MEGF9: variants seen among roughly 807,000 people sequenced by gnomAD.
The protein encoded by MEGF9 is multiple EGF like domains 9, also known as multiple epidermal growth factor-like domains protein 9.
In MEGF9, 6 loss-of-function variants were observed where a neutral mutation model predicts 46.8. The ratio of observed to expected loss-of-function variants is 0.13; its 90% CI spans 0.07 to 0.25. The LOEUF (loss-of-function observed/expected upper bound fraction) is 0.25, where lower values mean the gene tolerates loss of function less well. Among genes scored for constraint, MEGF9 ranks in the 10% least tolerant of loss-of-function variants. The probability of loss-of-function intolerance (pLI) is 1.00; values close to 1 mark genes in which losing one functional copy is unlikely to be tolerated. For synonymous variants in MEGF9, 302 were observed against 330.7 expected, an observed-to-expected ratio of 0.91 and a Z score of 0.94; for missense variants, 683 against 792.4, an observed-to-expected ratio of 0.86 and a Z score of 1.66.
At chr9:120,637,159 A>C (rs2043580905) in intron 2 of MEGF9, among the ~76,000 whole-genome samples, 1 of 152,168 alleles carries the variant, frequency 6.6e-6, no homozygotes, top group African/African-American at 2.4e-5. Flanking sequence ...GTGCTGTGTC[A>C]ACTCAGGGTT....
intron 1 of MEGF9, among the ~76,000 whole-genome samples, chr9:120,707,768 C>T (rs376920398): frequency 1.3e-5 from 2 of 152,158 alleles, no homozygotes; most frequent in African/African-American, 4.8e-5. Flanking sequence ...CTTGGCTGGG[C>T]GTGGTGGCTC....
intron 2 of MEGF9, among the ~76,000 whole-genome samples, chr9:120,652,172 A>T (rs2043653571): frequency 1.5e-5 from 1 of 64,586 alleles, no homozygotes; most frequent in Non-Finnish European, 3.1e-5. Flanking sequence ...ACACACACAC[A>T]CACACACACA....
intron 2 of MEGF9, among the ~76,000 whole-genome samples, chr9:120,643,952 C>T (rs1471953435): frequency 3.9e-5 from 6 of 152,122 alleles, no homozygotes; most frequent in African/African-American, 1.4e-4. Context: ...TGGGCTCAAG[C>T]GATCCTCCTG....
chr9:120,666,469 T>C (rs2043725531), intron 1 of MEGF9, among the ~76,000 whole-genome samples: 1 of 152,212 alleles, frequency 6.6e-6, no homozygotes, highest in Non-Finnish European at 1.5e-5. Flanking sequence ...TCTATTTGAA[T>C]GGCTAAAATA....
chr9:120,615,285 G>A (rs2043466416), intron 3 of MEGF9, among the ~76,000 whole-genome samples: 1 of 137,696 alleles, frequency 7.3e-6, no homozygotes, highest in Non-Finnish European at 1.5e-5. Context: ...GCGTGTGTGT[G>A]TGCATGTGTG....
At chr9:120,712,388 A>C (rs780537737) in intron 1 of MEGF9, among the ~76,000 whole-genome samples, 2 of 152,240 alleles carry the variant, frequency 1.3e-5, no homozygotes, top group Non-Finnish European at 2.9e-5. Flanking sequence ...CTAAGCTTAC[A>C]CAGCTAACAA....
chr9:120,618,583 A>G (rs1450111378), intron 3 of MEGF9, among the ~76,000 whole-genome samples: 7 of 152,322 alleles, frequency 4.6e-5, no homozygotes, highest in African/African-American at 1.7e-4. Flanking sequence ...GGGGTAAAAA[A>G]TCATCCTAGG....
chr9:120,698,976 T>G (rs1458298109), intron 1 of MEGF9, among the ~76,000 whole-genome samples: 1 of 152,196 alleles, frequency 6.6e-6, no homozygotes, highest in Non-Finnish European at 1.5e-5. Flanking sequence ...TGTCTGGCTT[T>G]GTTCCAGGCT....
intron 1 of MEGF9, among the ~76,000 whole-genome samples, chr9:120,684,676 C>T (rs1034719653): frequency 6.6e-6 from 1 of 152,204 alleles, no homozygotes; most frequent in African/African-American, 2.4e-5. Context: ...AGAAATCCCT[C>T]TTCCAACACC....
At chr9:120,712,729 G>C (rs1471138930) in intron 1 of MEGF9, among the ~76,000 whole-genome samples, 1 of 152,170 alleles carries the variant, frequency 6.6e-6, no homozygotes, top group Non-Finnish European at 1.5e-5. Flanking sequence ...CTAAGCCTAA[G>C]ATTTAGGTCA....
chr9:120,642,167 C>T (rs1445734214), intron 2 of MEGF9, among the ~76,000 whole-genome samples: 4 of 152,202 alleles, frequency 2.6e-5, no homozygotes, highest in Non-Finnish European at 4.4e-5. Context: ...TTTTCCTTTC[C>T]AATGATTCTG....
intron 2 of MEGF9, among the ~76,000 whole-genome samples, chr9:120,646,113 T>A (rs771430564): frequency 5.3e-5 from 8 of 152,154 alleles, no homozygotes; most frequent in Non-Finnish European, 1.2e-4. Flanking sequence ...TCCACAGAAT[T>A]ATGCACAGAA....
At chr9:120,637,768 G>T (rs2043584565) in intron 2 of MEGF9, among the ~76,000 whole-genome samples, 1 of 106,480 alleles carries the variant, frequency 9.4e-6, no homozygotes, top group Admixed American at 1.6e-4. Flanking sequence ...TCCAGCCAGG[G>T]CAACAGGGCA....
At chr9:120,660,752 AC>A (rs1283711337) in intron 1 of MEGF9, among the ~76,000 whole-genome samples, 1 of 152,252 alleles carries the variant, frequency 6.6e-6, no homozygotes, top group Non-Finnish European at 1.5e-5. Context: ...CACAGCAGTA[AC>A]AGAGGACTTT....
rs578060867 is a variant in MEGF9 at position 120,713,112 on chromosome 9, T to A, written c.601+646A>T. On this transcript the variant is annotated intron_variant, in intron 1 of 5. Coordinates refer to ENST00000373930, the MANE Select transcript of MEGF9 (RefSeq NM_001080497.3). ...TGCGAGGAAGAGATTTAACCTAATT[T>A]GTAAATGTGCTCAGCCTAGATACAC... 4.6e-5 allele frequency among the ~76,000 whole-genome samples: 7 copies of A among 152,338 alleles called. No individual in the cohort carries two copies. The East Asian group carries it at 1.3e-3, about 29-fold the overall frequency.
At position 120,601,988 on chromosome 9, in the gene MEGF9, A is replaced by G. The variant is rs1255232633; in HGVS notation, c.*3202T>C. 6.6e-6 allele frequency: 1 copy of G among 152,098 alleles called. No individual in the cohort carries two copies. Among genetic ancestry groups the G allele is most frequent in the African/African-American group, 2.4e-5 (1 of 41,424 alleles). 9.4% of individuals were successfully genotyped at this position (152,098 alleles called of 1,614,324 possible). A position where few individuals can be genotyped will look rare whatever the true frequency, so the allele number is the denominator to read the frequency against. ...ACAGATTTCCAATCCTTACACAAAC[A>G]TTCTCCCAATATTAGGCTTTCTTTT... On this transcript the variant is annotated 3_prime_UTR_variant, in exon 6 of 6. Coordinates refer to ENST00000373930, the MANE Select transcript of MEGF9 (RefSeq NM_001080497.3).
At position 120,659,430 on chromosome 9, in the gene MEGF9, C is replaced by G. The variant is rs773567796; in HGVS notation, c.747G>C (p.Gly249=). 5 of 1,613,824 alleles carry G rather than the reference C, an allele frequency of 3.1e-6. No homozygotes were observed. In the South Asian group the frequency reaches 5.5e-5, roughly 18 times the overall value. ...KEGFYLNYTS[G]LCQPCDCSPH... ...GACTACAGTCACATGGCTGACAGAGCCCAGAAGTGTAATTTAGGTAAAAGC... is the reference window on the plus strand; with the variant it reads ...GACTACAGTCACATGGCTGACAGAGGCCAGAAGTGTAATTTAGGTAAAAGC... Residue 249 remains glycine (G), a synonymous_variant, in exon 2 of 6, where the codon GGG becomes GGC. Coordinates refer to ENST00000373930, the MANE Select transcript of MEGF9 (RefSeq NM_001080497.3).
chr9:120,665,854 C>G (rs1277055074), intron 1 of MEGF9, among the ~76,000 whole-genome samples: 1 of 152,158 alleles, frequency 6.6e-6, no homozygotes, highest in Non-Finnish European at 1.5e-5. Context: ...AAGAATATAT[C>G]CTTTCCCCCA....
chr9:120,622,717 G>A lies in MEGF9; in HGVS notation c.842C>T (p.Ser281Phe). The change falls in exon 3 of 6, where the codon TCT (serine) becomes TTT (phenylalanine). Residue 281 changes from serine (S) to phenylalanine (F), a missense_variant. Physicochemically the swap from Ser to Phe is radical, Grantham distance 155 (BLOSUM62 -2). Around this residue, in one of 2 missense-constraint regions of MEGF9, gnomAD observed 313 missense variants for 421.1 expected, o/e 0.74. Coordinates refer to ENST00000373930, the MANE Select transcript of MEGF9 (RefSeq NM_001080497.3). The stretch of plus-strand genomic sequence containing the variant: ...TCCATCTTGGCATCGGTCACATATA[G>A]AGCCAATGACACCCACTTTGCACTG... ...KCQCKVGVIGSICDRCQDGYY... is the reference protein window; with the variant it reads ...KCQCKVGVIGFICDRCQDGYY... 8 of 1,613,678 alleles carry A rather than the reference G, an allele frequency of 5.0e-6. No individual in the cohort carries two copies. The highest frequency in any genetic ancestry group is 6.8e-6 in the Non-Finnish European group (8 of 1,179,800).
Sources: allele counts gnomAD v4.1 joint callset (sites outside exome capture counted in the v4.1 genomes callset), GRCh38; gene constraint gnomAD v4.1.1; regional missense constraint gnomAD v4.1.1; transcripts MANE v1.5; gene names NCBI Gene and HGNC (gene_info 2026-07-23, HGNC 2026-07-21).